The following SP4 variants were observed in gnomAD, a reference collection of about 807,000 sequenced individuals.
SP4 encodes the protein transcription factor Sp4.
Under a neutral mutation model 72.8 loss-of-function variants are expected in SP4, and 19 were observed. The ratio of observed to expected loss-of-function variants is 0.26; its 90% CI spans 0.18 to 0.38. The LOEUF is 0.38. Among genes scored for constraint, SP4 ranks in the 10% least tolerant of loss-of-function variants. The probability of loss-of-function intolerance (pLI) is 1.00; values close to 1 mark genes in which losing one functional copy is unlikely to be tolerated. For synonymous variants in SP4, 395 were observed against 333.1 expected, an observed-to-expected ratio of 1.19 and a Z score of -2.02; for missense variants, 1,008 against 926.3, an observed-to-expected ratio of 1.09 and a Z score of -1.14.
At chr7:21,440,812 T>C (rs79734414) in intron 3 of SP4, among the ~76,000 whole-genome samples, 2,074 of 152,272 alleles carry the variant, frequency 0.014, 46 homozygotes, top group East Asian at 0.077. Flanking sequence ...ATCGTGCCAC[T>C]GCACTTCAGT....
At chr7:21,428,607 G>A in intron 1 of SP4, 70 bp from the exon 2 acceptor site, 2 of 1,425,492 alleles carry the variant, frequency 1.4e-6, no homozygotes, top group Non-Finnish European at 1.9e-6. Context: ...GAAGAGGAGA[G>A]GAAGAAGACG....
chr7:21,498,606 A>C (rs554653337), intron 5 of SP4, among the ~76,000 whole-genome samples: 5 of 152,210 alleles, frequency 3.3e-5, no homozygotes, highest in African/African-American at 1.2e-4. Flanking sequence ...TTAACCCTTG[A>C]ACAACACAGA....
At chr7:21,444,832 G>A (rs1033957871) in intron 3 of SP4, among the ~76,000 whole-genome samples, 2 of 152,090 alleles carry the variant, frequency 1.3e-5, no homozygotes, top group African/African-American at 2.4e-5. Context: ...AAACAAGTCC[G>A]GGTGAATAGG....
At chr7:21,474,762 AACTCTCACTTC>A (rs1457905993) in intron 3 of SP4, among the ~76,000 whole-genome samples, 1 of 152,206 alleles carries the variant, frequency 6.6e-6, no homozygotes, top group Non-Finnish European at 1.5e-5. Flanking sequence ...ATAAATTTAC[AACTCTCACTTC>A]ACTTGCATTG....
intron 5 of SP4, among the ~76,000 whole-genome samples, chr7:21,496,480 T>C (rs1370165440): frequency 6.6e-6 from 1 of 152,170 alleles, no homozygotes; most frequent in Admixed American, 6.6e-5. Flanking sequence ...AACCCCATCA[T>C]TTCATAAATA....
intron 4 of SP4, 29 bp downstream of exon 4, chr7:21,477,336 A>G (rs1340502820): frequency 1.4e-6 from 2 of 1,476,262 alleles, no homozygotes; most frequent in South Asian, 1.2e-5. Context: ...AACTGTGTCT[A>G]TTTGGAAGGC....
At chr7:21,488,494 TGTTA>T (rs1784883509) in intron 5 of SP4, among the ~76,000 whole-genome samples, 1 of 151,138 alleles carries the variant, frequency 6.6e-6, no homozygotes, top group Non-Finnish European at 1.5e-5. Context: ...TTTTTTTTTT[TGTTA>T]TTGTAGATTT....
intron 5 of SP4, among the ~76,000 whole-genome samples, chr7:21,504,055 C>T (rs947602446): frequency 6.6e-6 from 1 of 152,178 alleles, no homozygotes; most frequent in Non-Finnish European, 1.5e-5. Context: ...AAACTGGGGC[C>T]TTAATACTAG....
chr7:21,440,137 C>T (rs886993151), intron 3 of SP4, among the ~76,000 whole-genome samples: 2 of 152,154 alleles, frequency 1.3e-5, no homozygotes, highest in African/African-American at 2.4e-5. Flanking sequence ...TTAAAACTCA[C>T]ATTTTTGCTT....
At chr7:21,508,807 CTTTTTTTTT>C (rs11418275) in intron 5 of SP4, among the ~76,000 whole-genome samples, 1,348 of 111,548 alleles carry the variant, frequency 0.012, 34 homozygotes, top group African/African-American at 0.045. Flanking sequence ...TGTCTACACA[CTTTTTTTTT>C]TTTTTTTTTT....
At chr7:21,474,125 G>A (rs1383345564) in intron 3 of SP4, among the ~76,000 whole-genome samples, 1 of 152,164 alleles carries the variant, frequency 6.6e-6, no homozygotes, top group Admixed American at 6.5e-5. Context: ...TCAAGGACAT[G>A]GTCAGGGGAC....
At position 21,508,655 on chromosome 7, in the gene SP4, A is replaced by C. The variant is rs557162044; in HGVS notation, c.2108-2367A>C. Among the ~76,000 whole-genome samples the C allele has an allele frequency of 1.3e-3, 192 of 152,108 alleles. 1 individual carries two copies. The highest frequency in any genetic ancestry group is 2.4e-3 in the Non-Finnish European group (161 of 67,978). On this transcript the variant is annotated intron_variant, in intron 5 of 5. Coordinates refer to ENST00000222584, the MANE Select transcript of SP4 (RefSeq NM_003112.5). ...ATACAGTTTGTTTGTTTTTTTAAGTAGGCCACTGCCTCCACCTTTGTACAG... is the reference window on the plus strand; with the variant it reads ...ATACAGTTTGTTTGTTTTTTTAAGTCGGCCACTGCCTCCACCTTTGTACAG...
chr7:21,455,876 A>G (rs77804760), intron 3 of SP4, among the ~76,000 whole-genome samples: 3,106 of 152,030 alleles, frequency 0.02, 89 homozygotes, highest in African/African-American at 0.065. Flanking sequence ...TCAGATTCCC[A>G]TTTTCCGTGT....
At chr7:21,477,958 C>T (rs371373328) in intron 4 of SP4, among the ~76,000 whole-genome samples, 133 of 152,300 alleles carry the variant, frequency 8.7e-4, no homozygotes, top group Middle Eastern at 3.4e-3. Flanking sequence ...ATATTCAGAG[C>T]TGTGTAGACA....
At chr7:21,465,098 CAG>C (rs1174504458) in intron 3 of SP4, among the ~76,000 whole-genome samples, 1 of 152,102 alleles carries the variant, frequency 6.6e-6, no homozygotes, top group East Asian at 1.9e-4. Flanking sequence ...TCAACATAAA[CAG>C]AGTTGAGAAT....
At chr7:21,463,581 C>A (rs1478378894) in intron 3 of SP4, among the ~76,000 whole-genome samples, 2 of 152,082 alleles carry the variant, frequency 1.3e-5, no homozygotes, top group East Asian at 3.9e-4. Context: ...AACTAGGGAA[C>A]AAAGTGAGGA....
At chr7:21,466,845 C>A (rs199625190) in intron 3 of SP4, among the ~76,000 whole-genome samples, 1 of 151,170 alleles carries the variant, frequency 6.6e-6, no homozygotes, top group East Asian at 1.9e-4. Flanking sequence ...ATATGTCTGT[C>A]AAAACTGTCA....
Position 21,428,208 on chromosome 7 carries a change from C to CCA in SP4, c.-44_-43insCA. ...GCCTCGCCCCCACCCCCACCCACCTCTATCCCAGTGTCTCCGTCTGAGGGT... is the reference window on the plus strand; with the variant it reads ...GCCTCGCCCCCACCCCCACCCACCTCCATATCCCAGTGTCTCCGTCTGAGGGT... On this transcript the variant is annotated 5_prime_UTR_variant, in exon 1 of 6. Coordinates refer to ENST00000222584, the MANE Select transcript of SP4 (RefSeq NM_003112.5). The CCA allele has an allele frequency of 1.6e-6, 2 of 1,263,628 alleles. No individual in the cohort carries two copies. The highest frequency in any genetic ancestry group is 2.2e-6 in the Non-Finnish European group (2 of 900,810). 78.3% of individuals were successfully genotyped at this position (1,263,628 alleles called of 1,614,324 possible).
chr7:21,443,955 A>G (rs947291830), intron 3 of SP4, among the ~76,000 whole-genome samples: 2 of 152,180 alleles, frequency 1.3e-5, no homozygotes, highest in Non-Finnish European at 1.5e-5. Flanking sequence ...ATTATTTCTG[A>G]TTTTGTTAGT....
Sources: gnomAD v4.1 joint callset for allele counts (sites outside exome capture counted in the v4.1 genomes callset) on GRCh38, gnomAD v4.1.1 for gene constraint, MANE v1.5 for transcripts, NCBI Gene and HGNC (gene_info 2026-07-23, HGNC 2026-07-21) for gene names.